PPP2R3B: variants seen among roughly 807,000 people sequenced by gnomAD.
PPP2R3B encodes the protein protein phosphatase 2 regulatory subunit B''beta.
A neutral mutation model predicts 72.9 loss-of-function variants in PPP2R3B; 68 were observed. The observed-to-expected ratio is 0.93, with a 90% CI of 0.77 to 1.14. The LOEUF is 1.14. Among genes scored for constraint, PPP2R3B ranks in the 50% most tolerant of loss-of-function variants. PPP2R3B has a pLI of 0.00. For synonymous variants in PPP2R3B, 466 were observed against 375.8 expected, an observed-to-expected ratio of 1.24 and a Z score of -2.78; for missense variants, 1,018 against 842.0, an observed-to-expected ratio of 1.21 and a Z score of -2.59.
At chrX:385,883 C>G (rs2124440673) in intron 1 of PPP2R3B, among the ~76,000 whole-genome samples, 1 of 152,256 alleles carries the variant, frequency 6.6e-6, no homozygotes, top group Admixed American at 6.5e-5. Flanking sequence ...GAGTTCGAGA[C>G]CAGCCTGGCC....
intron 8 of PPP2R3B, 93 bp from the exon 9 acceptor site, chrX:341,489 G>T: frequency 7.9e-7 from 1 of 1,259,602 alleles, no homozygotes; most frequent in Non-Finnish European, 1.2e-6. Context: ...GGTGAGGGGA[G>T]CCCCCCGGGC....
chrX:341,413 G>C lies in PPP2R3B; in HGVS notation c.1086-17C>G. Reference sequence around the variant, plus strand: ...TTTCTGCCTCTAGATCGAAAGCCAGGATGGAGAGACGAAGATGCATGTCAG... The same window carrying C: ...TTTCTGCCTCTAGATCGAAAGCCAGCATGGAGAGACGAAGATGCATGTCAG... On this transcript the variant is annotated splice_polypyrimidine_tract_variant and intron_variant, in intron 8 of 12. Coordinates refer to ENST00000390665, the MANE Select transcript of PPP2R3B (RefSeq NM_013239.5). 1.9e-6 allele frequency: 3 copies of C among 1,611,422 alleles called. No individual in the cohort carries two copies. Among genetic ancestry groups the C allele is most frequent in the African/African-American group, 1.3e-5 (1 of 75,030 alleles).
Position 360,000 on chromosome X carries a change from C to T in PPP2R3B, c.510+1405G>A, listed in dbSNP as rs774677960. ...AACACAATCCCTAATAGAAAAAGGG[C>T]GGGGACACTTAATGTGTTCTTTCAG... is the stretch of plus-strand genomic sequence containing the variant. On this transcript the variant is annotated intron_variant, in intron 2 of 12. Transcript: ENST00000390665. 6.3e-4 allele frequency among the ~76,000 whole-genome samples: 58 copies of T among 92,236 alleles called. No individual in the cohort carries two copies. The South Asian group carries it at 8.0e-3, about 13-fold the overall frequency. The allele number at this position is 92,236 out of a possible 152,430, so 60.5% of individuals were successfully genotyped here. A position where few individuals can be genotyped will look rare whatever the true frequency, so the allele number is the denominator to read the frequency against.
intron 2 of PPP2R3B, among the ~76,000 whole-genome samples, chrX:355,503 G>A (rs1458321854): frequency 1.3e-5 from 2 of 152,288 alleles, no homozygotes; most frequent in Admixed American, 6.5e-5. Context: ...TCACACGGTG[G>A]GAACGAACAA....
intron 2 of PPP2R3B, among the ~76,000 whole-genome samples, chrX:355,384 G>A (rs1056742306): frequency 2.0e-5 from 3 of 152,230 alleles, no homozygotes; most frequent in South Asian, 2.1e-4. Flanking sequence ...GCGTTCATGA[G>A]ACGGAAGCCT....
At chrX:356,165 G>A (rs1013657167) in intron 2 of PPP2R3B, among the ~76,000 whole-genome samples, 44 of 152,232 alleles carry the variant, frequency 2.9e-4, no homozygotes, top group Non-Finnish European at 4.7e-4. Flanking sequence ...GGTCAACGCT[G>A]CTGCCTGGAA....
chrX:386,526 C>T lies in PPP2R3B; in HGVS notation c.166G>A (p.Gly56Arg). 2.1e-6 allele frequency: 3 copies of T among 1,419,008 alleles called. No individual in the cohort carries two copies. The highest frequency in any genetic ancestry group is 2.8e-6 in the Non-Finnish European group (3 of 1,082,466). 87.9% of individuals were successfully genotyped at this position (1,419,008 alleles called of 1,614,324 possible). Reference sequence around the variant, plus strand: ...GCGAGCGGGGCTGTGGGCCAGGCCCCGGGCTGCTCCCCGTCCCCCGGGGTC... The same window carrying T: ...GCGAGCGGGGCTGTGGGCCAGGCCCTGGGCTGCTCCCCGTCCCCCGGGGTC... ...QPTPGDGEQP[G>R]AWPTAPLAAP... Residue 56 changes from glycine (G) to arginine (R), a missense_variant, in exon 1 of 13, where the codon GGG (glycine) becomes AGG (arginine). By Grantham distance (125) the Gly-to-Arg change is moderately radical. Coordinates refer to ENST00000390665, the MANE Select transcript of PPP2R3B (RefSeq NM_013239.5).
chrX:351,690 G>A (rs1172921091), intron 2 of PPP2R3B, among the ~76,000 whole-genome samples: 27 of 127,120 alleles, frequency 2.1e-4, no homozygotes, highest in Non-Finnish European at 4.3e-4. Flanking sequence ...TGATCACAGC[G>A]TGATCCATTT....
intron 1 of PPP2R3B, among the ~76,000 whole-genome samples, chrX:364,214 G>A (rs1416383174): frequency 6.6e-6 from 1 of 152,208 alleles, no homozygotes; most frequent in Non-Finnish European, 1.5e-5. Context: ...TGAGCTCCAA[G>A]TAAATCCCCA....
At chrX:344,608 G>A (rs1371177890) in intron 7 of PPP2R3B, among the ~76,000 whole-genome samples, 1 of 152,244 alleles carries the variant, frequency 6.6e-6, no homozygotes, top group East Asian at 1.9e-4. Flanking sequence ...GCCTGGTTCT[G>A]GGCCGATTCC....
At chrX:340,325 CG>C (rs1188957779) in intron 10 of PPP2R3B, among the ~76,000 whole-genome samples, 2 of 150,966 alleles carry the variant, frequency 1.3e-5, no homozygotes. Flanking sequence ...GGTCACCCCT[CG>C]GGGGGTGTCG....
chrX:334,806 A>G (rs1316398026), intron 12 of PPP2R3B: 5 of 371,478 alleles, frequency 1.3e-5, no homozygotes, highest in Non-Finnish European at 2.4e-5. Flanking sequence ...CCTCTTCCCC[A>G]AAGCGAGCTG....
At chrX:336,010 T>C (rs2070879361) in intron 12 of PPP2R3B, 2 of 151,632 alleles carry the variant, frequency 1.3e-5, no homozygotes, top group South Asian at 2.1e-4. Context: ...TACAAAAAAA[T>C]ACAAAAAAGT....
chrX:337,067 C>T (rs767582887), intron 12 of PPP2R3B: 20 of 149,936 alleles, frequency 1.3e-4, no homozygotes, highest in African/African-American at 4.7e-4. Flanking sequence ...GGATTACAGA[C>T]GTGTGCCACC....
intron 2 of PPP2R3B, among the ~76,000 whole-genome samples, chrX:353,305 C>T (rs763577795): frequency 5.6e-4 from 85 of 151,686 alleles, no homozygotes; most frequent in Non-Finnish European, 1.1e-3. Context: ...ACCCAGGAGG[C>T]GGAGGTTGCA....
At chrX:352,996 T>TG (rs1011316656) in intron 2 of PPP2R3B, among the ~76,000 whole-genome samples, 3 of 151,616 alleles carry the variant, frequency 2.0e-5, no homozygotes, top group African/African-American at 7.3e-5. Context: ...AGGGCTCTGC[T>TG]GGGGGGTGAC....
rs751011578 is a variant in PPP2R3B, at chrX:334,390, C to A, written c.1705G>T (p.Asp569Tyr). The A allele has an allele frequency of 1.0e-4, 155 of 1,533,076 alleles. No individual in the cohort carries two copies. The highest frequency in any genetic ancestry group is 9.6e-4 in the South Asian group (79 of 82,668). 95.0% of individuals were successfully genotyped at this position (1,533,076 alleles called of 1,614,324 possible). A position where few individuals can be genotyped will look rare whatever the true frequency, so the allele number is the denominator to read the frequency against. ...CGTCACAGCGGCTCCAGGTCCTCGT[C>A]CCCGCATGCGTACTCGTACAGGTCC... Reference protein sequence around the residue: ...AVDLYEYACGDEDLEPL With the variant: ...AVDLYEYACGYEDLEPL Residue 569 changes from aspartate to tyrosine, a missense_variant, in exon 13 of 13, where the codon GAC becomes TAC. By Grantham distance (160) the Asp-to-Tyr change is radical. Transcript: ENST00000390665.
At chrX:364,243 G>T (rs1429183301) in intron 1 of PPP2R3B, among the ~76,000 whole-genome samples, 2 of 152,172 alleles carry the variant, frequency 1.3e-5, no homozygotes, top group African/African-American at 4.8e-5. Flanking sequence ...CCGGCCCCAG[G>T]AATGAAAGTA....
chrX:338,111 A>T, intron 12 of PPP2R3B: 1 of 180,620 alleles, frequency 5.5e-6, no homozygotes, highest in Non-Finnish European at 1.2e-5. Flanking sequence ...ACTGGGAAAA[A>T]GGCGAACACG....
Sources: gnomAD v4.1 joint callset for allele counts (sites outside exome capture counted in the v4.1 genomes callset) on GRCh38, gnomAD v4.1.1 for gene constraint, MANE v1.5 for transcripts, NCBI Gene and HGNC (gene_info 2026-07-23, HGNC 2026-07-21) for gene names.